SYT14: variants seen among roughly 807,000 people sequenced by gnomAD.
The protein encoded by SYT14 is synaptotagmin 14.
A neutral mutation model predicts 74.2 loss-of-function variants in SYT14; 32 were observed. That is an observed-to-expected ratio of 0.43 (90% confidence interval 0.33 to 0.58). The LOEUF (loss-of-function observed/expected upper bound fraction) is 0.58, where lower values mean the gene tolerates loss of function less well. Ranked by LOEUF, SYT14 falls within the 20% of genes least tolerant of loss-of-function variation. SYT14 has a pLI of 0.05. For synonymous variants in SYT14, 298 were observed against 337.7 expected (o/e 0.88, Z 1.29); for missense variants, 791 against 981.8 (o/e 0.81, Z 2.60).
chr1:210,067,270 C>A (rs1558165648), intron 5 of SYT14, among the ~76,000 whole-genome samples: 1 of 151,912 alleles, frequency 6.6e-6, no homozygotes, highest in Non-Finnish European at 1.5e-5. Context: ...ATTGTTTTAG[C>A]TATTCTGGTT....
chr1:210,075,932 ATATTAAG>A (rs1351117003), intron 5 of SYT14, among the ~76,000 whole-genome samples: 1 of 152,190 alleles, frequency 6.6e-6, no homozygotes. Flanking sequence ...TATTTTTTAA[ATATTAAG>A]TATTATGTTT....
At chr1:209,975,136 T>C (rs1229881553) in intron 2 of SYT14, among the ~76,000 whole-genome samples, 1 of 152,200 alleles carries the variant, frequency 6.6e-6, no homozygotes, top group Non-Finnish European at 1.5e-5. Context: ...GTTTTCTAGA[T>C]ATACAATCAC....
At chr1:210,050,441 C>T (rs759313615) in intron 5 of SYT14, among the ~76,000 whole-genome samples, 19 of 152,316 alleles carry the variant, frequency 1.2e-4, no homozygotes, top group Non-Finnish European at 2.6e-4. Flanking sequence ...ATTTTTCTGT[C>T]GTCTTCTGAG....
At chr1:210,135,074 G>A (rs1359437785) in intron 7 of SYT14, among the ~76,000 whole-genome samples, 2 of 151,360 alleles carry the variant, frequency 1.3e-5, no homozygotes, top group African/African-American at 2.4e-5. Flanking sequence ...TCCACCTCCC[G>A]GGTTGAAGTG....
At chr1:209,944,439 A>G (rs972546655) in intron 1 of SYT14, among the ~76,000 whole-genome samples, 15 of 152,328 alleles carry the variant, frequency 9.8e-5, no homozygotes, top group Admixed American at 8.5e-4. Context: ...ATAAATTCAT[A>G]GGAACTTATG....
At chr1:210,059,169 A>G (rs2081154242) in intron 5 of SYT14, among the ~76,000 whole-genome samples, 1 of 151,968 alleles carries the variant, frequency 6.6e-6, no homozygotes, top group South Asian at 2.1e-4. Flanking sequence ...TTCTTTACTA[A>G]CAGAAAGTGA....
intron 2 of SYT14, among the ~76,000 whole-genome samples, chr1:209,964,367 A>G (rs957160223): frequency 1.3e-5 from 2 of 152,146 alleles, no homozygotes; most frequent in Non-Finnish European, 2.9e-5. Flanking sequence ...TCTTTATAGC[A>G]GTGTGAAAAT....
At chr1:209,976,183 T>G (rs2079360139) in intron 2 of SYT14, among the ~76,000 whole-genome samples, 1 of 152,010 alleles carries the variant, frequency 6.6e-6, no homozygotes, top group South Asian at 2.1e-4. Flanking sequence ...TTTTCAAGGG[T>G]TTTTTGTGTC....
intron 5 of SYT14, among the ~76,000 whole-genome samples, chr1:210,053,142 G>A: frequency 6.6e-6 from 1 of 152,094 alleles, no homozygotes; most frequent in East Asian, 1.9e-4. Flanking sequence ...AACTTTTTAT[G>A]TTCATGCATA....
intron 7 of SYT14, among the ~76,000 whole-genome samples, chr1:210,132,046 T>TA (rs1233282668): frequency 6.6e-6 from 1 of 152,144 alleles, no homozygotes; most frequent in Non-Finnish European, 1.5e-5. Context: ...TGGAACCTGA[T>TA]ACCTGAACTG....
chr1:210,061,379 A>C (rs1465220165), intron 5 of SYT14, among the ~76,000 whole-genome samples: 1 of 152,018 alleles, frequency 6.6e-6, no homozygotes, highest in Non-Finnish European at 1.5e-5. Flanking sequence ...GCCTATGCGA[A>C]TTTTAAATCA....
intron 5 of SYT14, among the ~76,000 whole-genome samples, chr1:210,039,825 A>G (rs865978895): frequency 6.6e-6 from 1 of 152,196 alleles, no homozygotes; most frequent in East Asian, 1.9e-4. Flanking sequence ...CAAAACCACA[A>G]TGAGATACCA....
chr1:209,955,214 T>G (rs1190151576), intron 2 of SYT14, among the ~76,000 whole-genome samples: 1 of 152,192 alleles, frequency 6.6e-6, no homozygotes, highest in Non-Finnish European at 1.5e-5. Context: ...CTGTCTGAGC[T>G]CCCTCATCTT....
chr1:210,159,368 C>A, intron 8 of SYT14, 53 bp from the exon 8 acceptor site: 2 of 1,511,934 alleles, frequency 1.3e-6, no homozygotes, highest in Non-Finnish European at 1.8e-6. Context: ...TTTCACCCAA[C>A]GATTGACATC....
At chr1:210,052,683 A>AAAAAAAAAAAAAAAAC (rs2081023608) in intron 5 of SYT14, among the ~76,000 whole-genome samples, 1 of 149,964 alleles carries the variant, frequency 6.7e-6, no homozygotes, top group Non-Finnish European at 1.5e-5. Flanking sequence ...AAAAAAAAAA[A>AAAAAAAAAAAAAAAAC]AGCTCTCCAA....
chr1:210,060,229 C>T (rs2081183626), intron 5 of SYT14, among the ~76,000 whole-genome samples: 1 of 152,056 alleles, frequency 6.6e-6, no homozygotes, highest in African/African-American at 2.4e-5. Context: ...CACAGGCTCA[C>T]GTTTCCTTTT....
At chr1:209,948,829 A>G (rs1165523044) in intron 1 of SYT14, among the ~76,000 whole-genome samples, 1 of 152,200 alleles carries the variant, frequency 6.6e-6, no homozygotes, top group African/African-American at 2.4e-5. Flanking sequence ...ATGGTGTCCC[A>G]GTCTTCATTT....
At chr1:210,150,903 C>T (rs898050145) in intron 7 of SYT14, among the ~76,000 whole-genome samples, 2 of 152,048 alleles carry the variant, frequency 1.3e-5, no homozygotes, top group Non-Finnish European at 2.9e-5. Context: ...TGTTTTTTCT[C>T]TATGTATGTA....
intron 7 of SYT14, among the ~76,000 whole-genome samples, chr1:210,135,456 C>T (rs1572360172): frequency 1.3e-5 from 2 of 152,124 alleles, no homozygotes; most frequent in Non-Finnish European, 2.9e-5. Context: ...TTTATATAGT[C>T]TGTGTCTCTT....
Sources: gnomAD v4.1 joint callset for allele counts (sites outside exome capture counted in the v4.1 genomes callset) on GRCh38, gnomAD v4.1.1 for gene constraint, MANE v1.5 for transcripts, NCBI Gene and HGNC (gene_info 2026-07-23, HGNC 2026-07-21) for gene names.